Variants in FARP1 observed in about 807,000 individuals in gnomAD.
The protein encoded by FARP1 is FERM, ARHGEF and pleckstrin domain-containing protein 1.
In FARP1, 52 loss-of-function variants were observed where a neutral mutation model predicts 128.8. The ratio of observed to expected loss-of-function variants is 0.40; its 90% CI spans 0.32 to 0.51. The LOEUF (loss-of-function observed/expected upper bound fraction) is 0.51, where lower values mean the gene tolerates loss of function less well. FARP1 is among the 20% of genes least tolerant of loss of function. The probability of loss-of-function intolerance (pLI) is 0.45; values close to 1 mark genes in which losing one functional copy is unlikely to be tolerated. For missense variants in FARP1, 1,333 were observed against 1,367.9 expected (o/e 0.97, Z 0.40); for synonymous variants, 580 against 551.8 (o/e 1.05, Z -0.72).
intron 2 of FARP1, 107 bp downstream of exon 2, chr13:98,213,520 C>T: frequency 2.6e-6 from 3 of 1,175,890 alleles, no homozygotes; most frequent in Non-Finnish European, 1.2e-6. Context: ...GGCTGGAGGT[C>T]CTGCATGTTC....
intron 15 of FARP1, 145 bp from the exon 16 acceptor site, chr13:98,411,756 G>T: frequency 1.2e-6 from 1 of 803,030 alleles, no homozygotes; most frequent in Non-Finnish European, 2.0e-6. Context: ...GGCCCGGGCA[G>T]CCCCGTGTTC....
intron 9 of FARP1, 97 bp downstream of exon 9, chr13:98,388,575 C>T: frequency 3.3e-6 from 3 of 902,782 alleles, no homozygotes; most frequent in Non-Finnish European, 5.5e-6. Flanking sequence ...TCTGCTGAAC[C>T]TCTGGCCAGT....
chr13:98,211,859 A>G (rs1880736640), intron 1 of FARP1, among the ~76,000 whole-genome samples: 1 of 152,220 alleles, frequency 6.6e-6, no homozygotes, highest in South Asian at 2.1e-4. Flanking sequence ...AGCAGCCAGT[A>G]TTGACCTCCA....
At chr13:98,246,597 T>C (rs1358932218) in intron 2 of FARP1, among the ~76,000 whole-genome samples, 1 of 152,124 alleles carries the variant, frequency 6.6e-6, no homozygotes, top group East Asian at 1.9e-4. Flanking sequence ...TGTGTGTGTT[T>C]ACATACTATA....
At chr13:98,365,571 C>T (rs888315269) in intron 4 of FARP1, 134 bp downstream of exon 4, 22 of 563,238 alleles carry the variant, frequency 3.9e-5, no homozygotes, top group African/African-American at 3.3e-4. Context: ...TTTTCATCAT[C>T]GACTAATCCG....
intron 1 of FARP1, among the ~76,000 whole-genome samples, chr13:98,164,838 G>C (rs1877129115): frequency 6.6e-6 from 1 of 152,118 alleles, no homozygotes; most frequent in African/African-American, 2.4e-5. Flanking sequence ...CCAGCACTTT[G>C]GGAGGCCGAG....
intron 2 of FARP1, among the ~76,000 whole-genome samples, chr13:98,270,054 G>A (rs1487131763): frequency 2.6e-5 from 4 of 152,224 alleles, no homozygotes; most frequent in Non-Finnish European, 4.4e-5. Flanking sequence ...GCAGTGAGCT[G>A]AGATCACTGA....
intron 17 of FARP1, among the ~76,000 whole-genome samples, chr13:98,428,930 A>G (rs563185391): frequency 6.6e-6 from 1 of 152,372 alleles, no homozygotes; most frequent in African/African-American, 2.4e-5. Context: ...ACATGCACGC[A>G]CACACATGCA....
intron 3 of FARP1, among the ~76,000 whole-genome samples, chr13:98,345,893 A>G (rs1888158600): frequency 6.6e-6 from 1 of 152,260 alleles, no homozygotes; most frequent in South Asian, 2.1e-4. Flanking sequence ...ACAGGAAGCC[A>G]TAGTCGGCCA....
chr13:98,157,964 C>T (rs1308958626), intron 1 of FARP1, among the ~76,000 whole-genome samples: 7 of 152,204 alleles, frequency 4.6e-5, no homozygotes, highest in African/African-American at 1.7e-4. Context: ...TTCCTTGATC[C>T]TCCTGTGGCT....
chr13:98,161,994 G>C (rs1394860804), intron 1 of FARP1, among the ~76,000 whole-genome samples: 2 of 151,944 alleles, frequency 1.3e-5, no homozygotes, highest in East Asian at 1.9e-4. Flanking sequence ...TCTTCCCCAG[G>C]CTGGTCTCAA....
At chr13:98,143,795 C>CTCCCCCGACCCCGGCGCCCT (rs1875274020) in intron 1 of FARP1, among the ~76,000 whole-genome samples, 1 of 151,788 alleles carries the variant, frequency 6.6e-6, no homozygotes, top group African/African-American at 2.4e-5. Context: ...CCCCGCTCGC[C>CTCCCCCGACCCCGGCGCCCT]TCCCCCGACC....
chr13:98,350,130 C>T (rs187055439), intron 3 of FARP1, among the ~76,000 whole-genome samples: 19 of 152,146 alleles, frequency 1.2e-4, no homozygotes, highest in East Asian at 7.7e-4. Flanking sequence ...GGTCACCTCG[C>T]GGGGCAGCAC....
At chr13:98,382,560 C>T (rs1889924733) in intron 6 of FARP1, 1 of 152,160 alleles carries the variant, frequency 6.6e-6, no homozygotes, top group African/African-American at 2.4e-5. Context: ...GGAATTCCTC[C>T]ATAGATAGTC....
chr13:98,285,736 T>C (rs565453373), intron 2 of FARP1, among the ~76,000 whole-genome samples: 5 of 152,380 alleles, frequency 3.3e-5, no homozygotes, highest in Non-Finnish European at 5.9e-5. Context: ...TCCGCTGTTA[T>C]TAGTCTTAAG....
At chr13:98,191,058 A>G (rs1481607493) in intron 1 of FARP1, among the ~76,000 whole-genome samples, 1 of 152,122 alleles carries the variant, frequency 6.6e-6, no homozygotes, top group Non-Finnish European at 1.5e-5. Context: ...CTGACACGCA[A>G]CGTGGCCAGG....
chr13:98,303,682 A>G (rs1422051834), intron 2 of FARP1, among the ~76,000 whole-genome samples: 1 of 152,220 alleles, frequency 6.6e-6, no homozygotes, highest in Non-Finnish European at 1.5e-5. Context: ...TATATAGGAC[A>G]TAGATTTATG....
chr13:98,264,493 G>A (rs73556805), intron 2 of FARP1, among the ~76,000 whole-genome samples: 19,790 of 152,126 alleles, frequency 0.13, 1,299 homozygotes, highest in Middle Eastern at 0.16. Flanking sequence ...ACCGACTGTC[G>A]TGGCACCACA....
chr13:98,307,541 G>A (rs560783133), intron 2 of FARP1, among the ~76,000 whole-genome samples: 1 of 152,236 alleles, frequency 6.6e-6, no homozygotes, highest in African/African-American at 2.4e-5. Context: ...CACGCTACAG[G>A]CCTCGAGTCT....
Sources: gnomAD v4.1 joint callset for allele counts (sites outside exome capture counted in the v4.1 genomes callset) on GRCh38, gnomAD v4.1.1 for gene constraint, MANE v1.5 for transcripts, NCBI Gene and HGNC (gene_info 2026-07-23, HGNC 2026-07-21) for gene names.